TTC22: variants seen among roughly 807,000 people sequenced by gnomAD.
TTC22 encodes the protein tetratricopeptide repeat protein 22.
TTC22 carries 42 observed loss-of-function variants against 48.2 expected under a neutral mutation model. That is an observed-to-expected ratio of 0.87 (90% CI 0.68 to 1.13). The LOEUF is 1.13. Ranked by LOEUF, TTC22 falls within the 50% of genes most tolerant of loss-of-function variation. The probability of loss-of-function intolerance (pLI) is 0.00; values close to 1 mark genes in which losing one functional copy is unlikely to be tolerated. For synonymous variants in TTC22, 345 were observed against 365.5 expected, an observed-to-expected ratio of 0.94 and a Z score of 0.64; for missense variants, 784 against 807.0, an observed-to-expected ratio of 0.97 and a Z score of 0.34.
intron 1 of TTC22, among the ~76,000 whole-genome samples, chr1:54,796,512 G>T (rs911693952): frequency 1.3e-5 from 2 of 152,216 alleles, no homozygotes; most frequent in Non-Finnish European, 2.9e-5. Context: ...AATTAAATGC[G>T]CAAAGGCAGG....
Position 54,781,506 on chromosome 1 carries a change from A to C in TTC22, c.1447T>G (p.Trp483Gly). 1 of 1,503,624 alleles carries C rather than the reference A, an allele frequency of 6.7e-7. No individual in the cohort carries two copies. Among genetic ancestry groups the C allele is most frequent in the Non-Finnish European group, 8.8e-7 (1 of 1,133,976 alleles). The allele number at this position is 1,503,624 out of a possible 1,614,324, so 93.1% of individuals were successfully genotyped here. ...GCLLEALLAQ[W>G]SQAQLSDGEL... The stretch of plus-strand genomic sequence containing the variant: ...CCGTCGCTCAGCTGTGCCTGGCTCC[A>C]CTGCGCCAGCAGCGCCTCGAGCAGG... The change falls in exon 7 of 7, where the codon TGG becomes GGG. Residue 483 changes from tryptophan to glycine, a missense_variant. Coordinates refer to ENST00000371276, the MANE Select transcript of TTC22 (RefSeq NM_001114108.2).
intron 1 of TTC22, among the ~76,000 whole-genome samples, chr1:54,791,807 A>T (rs1570114885): frequency 6.6e-6 from 1 of 152,126 alleles, no homozygotes; most frequent in Non-Finnish European, 1.5e-5. Context: ...AAGTTAAATT[A>T]TGTGTCCAAA....
At chr1:54,787,553 G>C in intron 3 of TTC22, 158 bp downstream of exon 3, 1 of 643,446 alleles carries the variant, frequency 1.6e-6, no homozygotes, top group Admixed American at 2.3e-5. Context: ...GGCAAGGTAT[G>C]TGGGCTCCTT....
chr1:54,796,925 T>A (rs1646396061), intron 1 of TTC22, among the ~76,000 whole-genome samples: 1 of 151,930 alleles, frequency 6.6e-6, no homozygotes, highest in Admixed American at 6.6e-5. Context: ...AAAGAAACCA[T>A]GTGGGGGTAA....
Position 54,800,593 on chromosome 1 carries a change from C to G in TTC22, c.567+4G>C. ...AGGGAGGTAGGGAGACAGGGGTCAC[C>G]TACCTGCTGCCCGTAGCCTAGCGCC... On this transcript the variant is annotated splice_donor_region_variant and intron_variant, in intron 1 of 6. Transcript: ENST00000371276. 1.3e-6 allele frequency: 2 copies of G among 1,504,300 alleles called. No homozygotes were observed. The highest frequency in any genetic ancestry group is 1.8e-6 in the Non-Finnish European group (2 of 1,139,756). The allele number at this position is 1,504,300 out of a possible 1,614,324, so 93.2% of individuals were successfully genotyped here.
intron 5 of TTC22, chr1:54,785,606 G>A (rs1428246405): frequency 2.3e-6 from 1 of 443,710 alleles, no homozygotes; most frequent in Non-Finnish European, 4.5e-6. Context: ...GAGCCCAGGA[G>A]TTTGAGACGA....
chr1:54,784,302 C>T (rs1388248431), intron 5 of TTC22, among the ~76,000 whole-genome samples: 1 of 152,226 alleles, frequency 6.6e-6, no homozygotes, highest in Non-Finnish European at 1.5e-5. Context: ...CTCTTCTCCA[C>T]CATCCTGTGC....
chr1:54,800,779 G>A lies in TTC22; in HGVS notation c.385C>T (p.Leu129Phe). 6.4e-7 allele frequency: 1 copy of A among 1,559,550 alleles called. No individual in the cohort carries two copies. The highest frequency in any genetic ancestry group is 8.7e-7 in the Non-Finnish European group (1 of 1,154,830). Residue 129 changes from leucine (L) to phenylalanine (F), a missense_variant, in exon 1 of 7, where the codon CTC (leucine) becomes TTC (phenylalanine). Leu to Phe is a conservative substitution (Grantham distance 22). Transcript: ENST00000371276. ...EEACAARLADLMGLAEEPEAA... is the reference protein window; with the variant it reads ...EEACAARLADFMGLAEEPEAA... ...TCGGGCTCCTCTGCCAGGCCCATGA[G>A]GTCGGCCAGCCGTGCGGCGCACGCC...
Position 54,794,471 on chromosome 1 carries a change from A to G in TTC22, c.567+6126T>C, listed in dbSNP as rs184464012. ...ACTACCCCAATGACTTACAATATAT[A>G]TGCATTTGAATAGGCTATACAGACA... On this transcript the variant is annotated intron_variant, in intron 1 of 6. Coordinates refer to ENST00000371276, the MANE Select transcript of TTC22 (RefSeq NM_001114108.2). 3.4e-3 allele frequency among the ~76,000 whole-genome samples: 517 copies of G among 152,332 alleles called. 4 individuals carry two copies. Among genetic ancestry groups the G allele is most frequent in the African/African-American group, 0.012 (500 of 41,564 alleles).
rs747529862 is a variant in TTC22 at position 54,800,817 on chromosome 1, T to G, written c.347A>C (p.Glu116Ala). Residue 116 changes from glutamate (E) to alanine (A), a missense_variant, in exon 1 of 7, where the codon GAA (glutamate) becomes GCA (alanine). Glu to Ala is a moderately radical substitution (Grantham distance 107). Coordinates refer to ENST00000371276, the MANE Select transcript of TTC22 (RefSeq NM_001114108.2). ...LAHVYGRLGQEEEEEACAARL... is the reference protein window; with the variant it reads ...LAHVYGRLGQAEEEEACAARL... Reference sequence around the variant, plus strand: ...TGCGGCGCACGCCTCCTCCTCTTCTTCCTGGCCCAGCCGCCCGTACACGTG... The same window carrying G: ...TGCGGCGCACGCCTCCTCCTCTTCTGCCTGGCCCAGCCGCCCGTACACGTG... The G allele has an allele frequency of 1.4e-5, 22 of 1,593,600 alleles. No homozygotes were observed. In the African/African-American group the frequency reaches 3.0e-4, roughly 21 times the overall value.
chr1:54,795,234 T>C (rs2101468600), intron 1 of TTC22, among the ~76,000 whole-genome samples: 1 of 152,342 alleles, frequency 6.6e-6, no homozygotes, highest in African/African-American at 2.4e-5. Context: ...GGTGACCCCA[T>C]GTGGCCTGCC....
intron 1 of TTC22, among the ~76,000 whole-genome samples, chr1:54,799,957 T>G (rs1022290336): frequency 1.6e-4 from 24 of 152,288 alleles, no homozygotes; most frequent in Middle Eastern, 3.4e-3. Context: ...TAAGCACTGA[T>G]TTGAAGTGAG....
intron 3 of TTC22, 129 bp from the exon 4 acceptor site, chr1:54,787,204 A>G: frequency 1.8e-6 from 1 of 560,254 alleles, no homozygotes; most frequent in South Asian, 2.4e-5. Flanking sequence ...ACTGAGGGCA[A>G]CACAGGGACA....
chr1:54,788,750 C>G (rs1002566044), intron 1 of TTC22, among the ~76,000 whole-genome samples: 2 of 152,186 alleles, frequency 1.3e-5, no homozygotes, highest in African/African-American at 4.8e-5. Context: ...GGAGGCTTCA[C>G]TCTGTACTTG....
chr1:54,786,261 C>T (rs1646300361), intron 4 of TTC22, 117 bp from the exon 5 acceptor site: 7 of 950,608 alleles, frequency 7.4e-6, no homozygotes, highest in Admixed American at 4.6e-5. Flanking sequence ...AACATGGTGC[C>T]CTTTACCCAT....
intron 1 of TTC22, among the ~76,000 whole-genome samples, chr1:54,798,106 T>C (rs1373406565): frequency 6.6e-6 from 1 of 152,224 alleles, no homozygotes; most frequent in African/African-American, 2.4e-5. Flanking sequence ...ATCTGCATTA[T>C]ACCCCATTTC....
chr1:54,787,351 T>C, intron 3 of TTC22: 1 of 556,648 alleles, frequency 1.8e-6, no homozygotes, highest in Non-Finnish European at 3.2e-6. Context: ...TCTCACCAGC[T>C]CTGGTGGTTC....
intron 5 of TTC22, chr1:54,785,019 T>G (rs1646289615): frequency 4.7e-6 from 1 of 211,322 alleles, no homozygotes; most frequent in Admixed American, 6.1e-5. Context: ...GAAATCTTAC[T>G]GTGTGCTTGA....
At chr1:54,792,163 T>A (rs1646356935) in intron 1 of TTC22, among the ~76,000 whole-genome samples, 1 of 152,230 alleles carries the variant, frequency 6.6e-6, no homozygotes, top group African/African-American at 2.4e-5. Flanking sequence ...ACTTGATGAC[T>A]AAAATTGATT....
Sources: allele counts gnomAD v4.1 joint callset (sites outside exome capture counted in the v4.1 genomes callset), GRCh38; gene constraint gnomAD v4.1.1; transcripts MANE v1.5; gene names NCBI Gene and HGNC (gene_info 2026-07-23, HGNC 2026-07-21).